The following ASAP1 variants were observed in gnomAD, a reference collection of about 807,000 sequenced individuals.
ASAP1 encodes ArfGAP with SH3 domain, ankyrin repeat and PH domain 1, also known as arf-GAP with SH3 domain, ANK repeat and PH domain-containing protein 1.
In ASAP1, 43 loss-of-function variants were observed where a neutral mutation model predicts 145.2. The ratio of observed to expected loss-of-function variants is 0.30; its 90% CI spans 0.23 to 0.38. The LOEUF (loss-of-function observed/expected upper bound fraction) is 0.38. ASAP1 is among the 10% of genes least tolerant of loss of function. The pLI is 1.00. For synonymous variants in ASAP1, 546 were observed against 515.5 expected (o/e 1.06, Z -0.80); for missense variants, 1,018 against 1,355.3 (o/e 0.75, Z 3.91).
intron 3 of ASAP1, among the ~76,000 whole-genome samples, chr8:130,238,899 G>A (rs924420954): frequency 3.9e-5 from 6 of 152,152 alleles, no homozygotes; most frequent in South Asian, 2.1e-4. Flanking sequence ...AGTCTAACAC[G>A]ATTTCCACCA....
At chr8:130,201,424 T>C (rs780425971) in intron 5 of ASAP1, among the ~76,000 whole-genome samples, 4 of 152,298 alleles carry the variant, frequency 2.6e-5, no homozygotes, top group Non-Finnish European at 4.4e-5. Context: ...AATGGGTAGG[T>C]CTAAGAGTAC....
At chr8:130,353,739 G>A (rs566818427) in intron 3 of ASAP1, among the ~76,000 whole-genome samples, 2 of 152,198 alleles carry the variant, frequency 1.3e-5, no homozygotes, top group African/African-American at 2.4e-5. Context: ...GCATGGCGGT[G>A]TGCACCTGTA....
intron 12 of ASAP1, among the ~76,000 whole-genome samples, chr8:130,155,063 C>T (rs1468831163): frequency 6.6e-6 from 1 of 152,180 alleles, no homozygotes. Context: ...CAGTGTCATC[C>T]TAAATATCAA....
chr8:130,420,961 CAAT>C (rs577490988), intron 1 of ASAP1, among the ~76,000 whole-genome samples: 91 of 151,952 alleles, frequency 6.0e-4, no homozygotes, highest in African/African-American at 1.9e-3. Context: ...CCCTCACTGG[CAAT>C]AATAATACCT....
intron 2 of ASAP1, among the ~76,000 whole-genome samples, chr8:130,376,932 T>TAAAAAAA (rs1827530076): frequency 1.1e-5 from 1 of 89,598 alleles, no homozygotes; most frequent in African/African-American, 4.6e-5. Context: ...AAAAAAAAAG[T>TAAAAAAA]CTTGCTCTCC....
chr8:130,227,015 A>G (rs1817622644), intron 4 of ASAP1, among the ~76,000 whole-genome samples: 1 of 152,218 alleles, frequency 6.6e-6, no homozygotes, highest in Non-Finnish European at 1.5e-5. Flanking sequence ...ATAGGACCCC[A>G]TATTTAACTA....
chr8:130,222,116 A>G (rs778207404), intron 4 of ASAP1, among the ~76,000 whole-genome samples: 3 of 152,238 alleles, frequency 2.0e-5, no homozygotes, highest in Non-Finnish European at 2.9e-5. Flanking sequence ...GGCGTTGGCA[A>G]TAACAAGTAC....
At chr8:130,085,938 G>A (rs576106891) in intron 25 of ASAP1, among the ~76,000 whole-genome samples, 1 of 152,304 alleles carries the variant, frequency 6.6e-6, no homozygotes, top group Admixed American at 6.5e-5. Context: ...TTTGGGCACT[G>A]TGGATGTTGT....
intron 1 of ASAP1, among the ~76,000 whole-genome samples, chr8:130,436,641 T>C (rs980851229): frequency 6.6e-6 from 1 of 152,020 alleles, no homozygotes; most frequent in Non-Finnish European, 1.5e-5. Context: ...ACCATCCAAA[T>C]ATAAAAAATG....
In ASAP1 at chr8:130,117,227, G is replaced by A. The variant is rs182022704; in HGVS notation, c.1881-232C>T. Among the ~76,000 whole-genome samples the A allele has an allele frequency of 8.5e-5, 13 of 152,288 alleles. No individual in the cohort carries two copies. In the East Asian group the frequency reaches 2.5e-3, roughly 29 times the overall value. ...AGACACTGTTTCTTAACATTTACAT[G>A]TATTAGTTCATTGAATCTTTACAAC... is the stretch of plus-strand genomic sequence containing the variant. On this transcript the variant is annotated intron_variant, in intron 20 of 29. Coordinates refer to ENST00000518721, the MANE Select transcript of ASAP1 (RefSeq NM_018482.4).
At chr8:130,345,522 C>G (rs2137977000) in intron 3 of ASAP1, among the ~76,000 whole-genome samples, 1 of 152,320 alleles carries the variant, frequency 6.6e-6, no homozygotes, top group South Asian at 2.1e-4. Context: ...TTTACTTGCA[C>G]TTTGCAGCTA....
At chr8:130,276,726 A>ACTCTCTCTCTCTCTCTCT (rs1486127973) in intron 3 of ASAP1, among the ~76,000 whole-genome samples, 6 of 91,762 alleles carry the variant, frequency 6.5e-5, no homozygotes, top group African/African-American at 2.2e-4. Context: ...ACACACACAC[A>ACTCTCTCTCTCTCTCTCT]CACTCTCTCT....
chr8:130,136,352 G>C (rs545554323), intron 14 of ASAP1, among the ~76,000 whole-genome samples: 1 of 152,180 alleles, frequency 6.6e-6, no homozygotes, highest in Non-Finnish European at 1.5e-5. Flanking sequence ...CCATGAAGTA[G>C]AAGAGTGACA....
chr8:130,309,000 C>T lies in ASAP1; in HGVS notation c.186+49017G>A, dbSNP rs150367732. 6.6e-3 allele frequency among the ~76,000 whole-genome samples: 1,011 copies of T among 152,226 alleles called. 12 individuals carry two copies. Among genetic ancestry groups the T allele is most frequent in the African/African-American group, 0.023 (972 of 41,538 alleles). On this transcript the variant is annotated intron_variant, in intron 3 of 29. Coordinates refer to ENST00000518721, the MANE Select transcript of ASAP1 (RefSeq NM_018482.4). ...GGAGCCAGTTGGTATTTTAAATTTG[C>T]CTGATGCTCCACACCACAAATGACT...
intron 1 of ASAP1, among the ~76,000 whole-genome samples, chr8:130,417,636 G>C (rs1306753538): frequency 6.6e-6 from 1 of 151,892 alleles, no homozygotes; most frequent in African/African-American, 2.4e-5. Context: ...AAAAAAAAAG[G>C]AGAGGCAAAT....
At chr8:130,418,096 AAGG>A (rs1829563276) in intron 1 of ASAP1, among the ~76,000 whole-genome samples, 1 of 152,234 alleles carries the variant, frequency 6.6e-6, no homozygotes, top group African/African-American at 2.4e-5. Context: ...GAGGAGAGGA[AAGG>A]AGATGGTGTA....
intron 4 of ASAP1, among the ~76,000 whole-genome samples, chr8:130,227,629 T>C (rs1484984321): frequency 6.6e-6 from 1 of 150,624 alleles, no homozygotes; most frequent in Non-Finnish European, 1.5e-5. Context: ...TCAATGCTTA[T>C]ATGTTTATTT....
intron 11 of ASAP1, among the ~76,000 whole-genome samples, chr8:130,163,794 T>C (rs1317923998): frequency 6.6e-6 from 1 of 152,214 alleles, no homozygotes; most frequent in East Asian, 1.9e-4. Context: ...ACAGAAAAAC[T>C]CATTTGGGCA....
intron 11 of ASAP1, among the ~76,000 whole-genome samples, chr8:130,162,606 C>T (rs1402423057): frequency 6.6e-6 from 1 of 152,112 alleles, no homozygotes; most frequent in Non-Finnish European, 1.5e-5. Context: ...ATCATGAGGT[C>T]AGGAGATCGA....
Sources: gnomAD v4.1 joint callset for allele counts (sites outside exome capture counted in the v4.1 genomes callset) on GRCh38, gnomAD v4.1.1 for gene constraint, MANE v1.5 for transcripts, NCBI Gene and HGNC (gene_info 2026-07-23, HGNC 2026-07-21) for gene names.